Variants in DSC3 observed in about 807,000 individuals in gnomAD.
DSC3 encodes desmocollin 3.
In DSC3, 97 loss-of-function variants were observed where a neutral mutation model predicts 89.5. That is an observed-to-expected ratio of 1.08 (90% CI 0.92 to 1.28). DSC3 has a LOEUF of 1.28. DSC3 is among the 50% of genes most tolerant of loss of function. The probability of loss-of-function intolerance (pLI) is 0.00; values close to 1 mark genes in which losing one functional copy is unlikely to be tolerated. For missense variants in DSC3, 1,199 were observed against 1,085.3 expected (o/e 1.10, Z -1.47); for synonymous variants, 436 against 384.1 (o/e 1.14, Z -1.58).
rs930606431 is a variant in DSC3 at position 31,035,113 on chromosome 18, G to A, written c.70-2837C>T. ...AAAGTGGCATAATAACCACAAAGAA[G>A]TATTTTATTTCTGATATAATCAAAT... On this transcript the variant is annotated intron_variant, in intron 1 of 15. Transcript: ENST00000360428. 5.9e-5 allele frequency among the ~76,000 whole-genome samples: 9 copies of A among 152,080 alleles called. No individual in the cohort carries two copies. The East Asian group carries it at 1.5e-3, about 26-fold the overall frequency.
intron 1 of DSC3, 68 bp from the exon 2 acceptor site, chr18:31,032,344 A>T: frequency 7.9e-7 from 1 of 1,259,868 alleles, no homozygotes; most frequent in South Asian, 1.2e-5. Flanking sequence ...TCATATCAAT[A>T]GATGTAAAAC....
At chr18:30,998,640 A>G (rs910151071) in intron 14 of DSC3, among the ~76,000 whole-genome samples, 1 of 152,172 alleles carries the variant, frequency 6.6e-6, no homozygotes, top group African/African-American at 2.4e-5. Context: ...GAAAAATCAC[A>G]TTTTAAGGGG....
rs2850324 is a variant in DSC3, at chr18:31,030,911, A to C, written c.354+62T>G. 0.093 allele frequency: 135,589 copies of C among 1,463,678 alleles called. 7,180 individuals are homozygous for C. Among genetic ancestry groups the C allele is most frequent in the Admixed American group, 0.17 (9,653 of 57,730 alleles). The allele number at this position is 1,463,678 out of a possible 1,614,324, so 90.7% of individuals were successfully genotyped here. A position where few individuals can be genotyped will look rare whatever the true frequency, so the allele number is the denominator to read the frequency against. On this transcript the variant is annotated intron_variant, in intron 3 of 15. Transcript: ENST00000360428. ...CCTATTTATCCTTGTTTCTCTTTGC[A>C]ATTTTTAATAAGAGTATTTTAATGA...
intron 6 of DSC3, among the ~76,000 whole-genome samples, chr18:31,023,812 A>T (rs41326952): frequency 0.011 from 1,713 of 152,260 alleles, 33 homozygotes; most frequent in African/African-American, 0.039. Context: ...AAGTGTTTAG[A>T]ATAGAGAACA....
At chr18:31,041,626 C>T (rs1384833982) in intron 1 of DSC3, among the ~76,000 whole-genome samples, 1 of 152,212 alleles carries the variant, frequency 6.6e-6, no homozygotes, top group African/African-American at 2.4e-5. Flanking sequence ...TCCGCGGCTC[C>T]TTTCTGGGCG....
In DSC3 at chr18:31,030,624, C is replaced by T. The variant is rs57224337; in HGVS notation, c.354+349G>A. ...AGATTTAATAAAGTAAAACCAAAAC[C>T]AGAGTTCAACAAGTGTTAAGAAAGA... On this transcript the variant is annotated intron_variant, in intron 3 of 15. Coordinates refer to ENST00000360428, the MANE Select transcript of DSC3 (RefSeq NM_001941.5). Among the ~76,000 whole-genome samples, 1,211 of 151,650 alleles carry T rather than the reference C, an allele frequency of 8.0e-3. 21 individuals carry two copies. Among genetic ancestry groups the T allele is most frequent in the African/African-American group, 0.028 (1,168 of 41,300 alleles).
At chr18:31,026,553 T>A (rs1200913436) in intron 4 of DSC3, among the ~76,000 whole-genome samples, 1 of 152,084 alleles carries the variant, frequency 6.6e-6, no homozygotes, top group Non-Finnish European at 1.5e-5. Flanking sequence ...TAGGCTAACA[T>A]GATAGCCATA....
chr18:31,009,999 G>C (rs1985002340), intron 9 of DSC3, among the ~76,000 whole-genome samples: 1 of 152,168 alleles, frequency 6.6e-6, no homozygotes, highest in African/African-American at 2.4e-5. Context: ...ATGTTACACT[G>C]TACTATAAAG....
intron 1 of DSC3, among the ~76,000 whole-genome samples, chr18:31,033,525 G>A (rs1404021214): frequency 6.6e-6 from 1 of 151,928 alleles, no homozygotes; most frequent in Non-Finnish European, 1.5e-5. Flanking sequence ...AATGGTGTTG[G>A]GATAATTTGA....
At position 30,996,839 on chromosome 18, in the gene DSC3, T is replaced by C; in HGVS notation, c.2445A>G (p.Arg815=). The change falls in exon 15 of 16, where the codon AGA becomes AGG. Residue 815 remains arginine, a synonymous_variant. Coordinates refer to ENST00000360428, the MANE Select transcript of DSC3 (RefSeq NM_001941.5). ...RGGHTEVDNC[R]YTYSEWHSFT... The stretch of plus-strand genomic sequence containing the variant: ...AACTGTGCCACTCCGAGTAAGTGTA[T>C]CTGCAGTTGTCCACCTCCGTGTGTC... 2 of 1,613,630 alleles carry C rather than the reference T, an allele frequency of 1.2e-6. No individual in the cohort carries two copies. Among genetic ancestry groups the C allele is most frequent in the Non-Finnish European group, 1.7e-6 (2 of 1,179,970 alleles).
At chr18:31,020,413 G>A (rs1187211409) in intron 7 of DSC3, among the ~76,000 whole-genome samples, 3 of 152,188 alleles carry the variant, frequency 2.0e-5, no homozygotes, top group Admixed American at 2.0e-4. Flanking sequence ...ACAAGTGCCA[G>A]CAATAGACAA....
At chr18:30,996,491 C>T (rs1333943223) in intron 15 of DSC3, among the ~76,000 whole-genome samples, 3 of 151,964 alleles carry the variant, frequency 2.0e-5, no homozygotes, top group Non-Finnish European at 2.9e-5. Flanking sequence ...ATTACTTTCA[C>T]GATCTTCTAT....
At chr18:30,994,625 A>G in intron 15 of DSC3, 1 of 659,950 alleles carries the variant, frequency 1.5e-6, no homozygotes, top group East Asian at 4.9e-5. Context: ...AGTACATTCA[A>G]GTTGTCATTA....
chr18:30,991,473 T>A lies in DSC3; in HGVS notation c.*2702A>T, dbSNP rs147084785. 1 of 152,378 alleles carries A rather than the reference T, an allele frequency of 6.6e-6. No homozygotes were observed. Among genetic ancestry groups the A allele is most frequent in the African/African-American group, 2.4e-5 (1 of 41,578 alleles). The allele number at this position is 152,378 out of a possible 1,614,324, so 9.4% of individuals were successfully genotyped here. On this transcript the variant is annotated 3_prime_UTR_variant, in exon 16 of 16. Transcript: ENST00000360428. ...GAGAAAAGAATTACAAATTCGGGCATACATGCAGACCAGGTGGTTTTCAGC... is the reference window on the plus strand; with the variant it reads ...GAGAAAAGAATTACAAATTCGGGCAAACATGCAGACCAGGTGGTTTTCAGC...
chr18:31,024,762 A>C (rs1985541037), intron 5 of DSC3, among the ~76,000 whole-genome samples: 1 of 152,168 alleles, frequency 6.6e-6, no homozygotes, highest in African/African-American at 2.4e-5. Flanking sequence ...TAGACTGAGG[A>C]ATTAAATGTG....
intron 9 of DSC3, among the ~76,000 whole-genome samples, chr18:31,012,546 G>A (rs887223502): frequency 5.3e-5 from 8 of 152,144 alleles, no homozygotes; most frequent in African/African-American, 1.9e-4. Context: ...ACCTATCCTA[G>A]CTGTATGGAC....
intron 6 of DSC3, among the ~76,000 whole-genome samples, chr18:31,023,805 T>A (rs1282206958): frequency 1.3e-5 from 2 of 152,232 alleles, no homozygotes; most frequent in East Asian, 3.9e-4. Flanking sequence ...TAAGAGCAAG[T>A]GTTTAGAATA....
intron 1 of DSC3, among the ~76,000 whole-genome samples, chr18:31,041,192 GT>G (rs1244932655): frequency 1.3e-5 from 2 of 152,124 alleles, no homozygotes; most frequent in Admixed American, 6.5e-5. Context: ...AGCACCCGTA[GT>G]TTCGTTCCCC....
chr18:31,038,654 T>A (rs1986041992), intron 1 of DSC3, among the ~76,000 whole-genome samples: 1 of 152,122 alleles, frequency 6.6e-6, no homozygotes, highest in Non-Finnish European at 1.5e-5. Flanking sequence ...TGCTCATTTC[T>A]TTCCTTTTTA....
Sources: allele counts gnomAD v4.1 joint callset (sites outside exome capture counted in the v4.1 genomes callset), GRCh38; gene constraint gnomAD v4.1.1; transcripts MANE v1.5; gene names NCBI Gene and HGNC (gene_info 2026-07-23, HGNC 2026-07-21).